NUP205: variants seen among roughly 807,000 people sequenced by gnomAD.
NUP205 encodes nuclear pore complex protein Nup205.
Under a neutral mutation model 253.8 loss-of-function variants are expected in NUP205, and 76 were observed. The observed-to-expected ratio is 0.30, with a 90% CI of 0.25 to 0.36. The LOEUF (loss-of-function observed/expected upper bound fraction) is 0.36. NUP205 is among the 10% of genes least tolerant of loss of function. NUP205 has a pLI of 1.00. For missense variants in NUP205, 2,162 were observed against 2,425.5 expected (o/e 0.89, Z 2.28); for synonymous variants, 832 against 850.1 (o/e 0.98, Z 0.37).
chr7:135,574,802 T>C (rs1806106551), intron 3 of NUP205, among the ~76,000 whole-genome samples: 1 of 152,236 alleles, frequency 6.6e-6, no homozygotes, highest in Non-Finnish European at 1.5e-5. Context: ...AAAATTTCTA[T>C]ACTATAAGCA....
Position 135,614,018 on chromosome 7 carries a change from G to A in NUP205, c.3196-141G>A, listed in dbSNP as rs1192264669. The A allele has an allele frequency of 1.1e-5, 6 of 526,348 alleles. No individual in the cohort carries two copies. In the East Asian group the frequency reaches 1.9e-4, roughly 17 times the overall value. 32.6% of individuals were successfully genotyped at this position (526,348 alleles called of 1,614,324 possible). A position where few individuals can be genotyped will look rare whatever the true frequency, so the allele number is the denominator to read the frequency against. ...GTTCATAACTCTGAGCTTATGTTTT[G>A]TGCATCTGTTTGTCCATTTTACTTG... On this transcript the variant is annotated intron_variant, in intron 22 of 42. Transcript: ENST00000285968.
chr7:135,632,046 A>C (rs1794726419), intron 35 of NUP205, among the ~76,000 whole-genome samples: 2 of 152,084 alleles, frequency 1.3e-5, no homozygotes, highest in Non-Finnish European at 2.9e-5. Flanking sequence ...CGCCCGGCCT[A>C]TCTCTTGGTA....
Position 135,571,256 on chromosome 7 carries a change from TTTTC to T in NUP205, c.171+13_171+16del. The T allele has an allele frequency of 7.2e-7, 1 of 1,394,174 alleles. No homozygotes were observed. Among genetic ancestry groups the T allele is most frequent in the Non-Finnish European group, 9.4e-7 (1 of 1,065,390 alleles). The allele number at this position is 1,394,174 out of a possible 1,614,324, so 86.4% of individuals were successfully genotyped here. On this transcript the variant is annotated intron_variant, in intron 2 of 42. Coordinates refer to ENST00000285968, the MANE Select transcript of NUP205 (RefSeq NM_015135.3). ...CATTGTTCAAAAATCCGGTAAGAAA[TTTTC>T]TTTTTCAGTTTTTTTGGGATTTTTT...
At position 135,614,771 on chromosome 7, in the gene NUP205, T is replaced by C. The variant is rs553506004; in HGVS notation, c.3310+498T>C. Among the ~76,000 whole-genome samples, 16 of 152,354 alleles carry C rather than the reference T, an allele frequency of 1.1e-4. No individual in the cohort carries two copies. The East Asian group carries it at 2.9e-3, about 27-fold the overall frequency. ...CAATTATTCCAGGCTAATGCAGTCTTATCGAGATTCTACTTTATTTTCTTT... is the reference window on the plus strand; with the variant it reads ...CAATTATTCCAGGCTAATGCAGTCTCATCGAGATTCTACTTTATTTTCTTT... On this transcript the variant is annotated intron_variant, in intron 23 of 42. Coordinates refer to ENST00000285968, the MANE Select transcript of NUP205 (RefSeq NM_015135.3).
chr7:135,570,655 A>G (rs1805933161), intron 1 of NUP205, among the ~76,000 whole-genome samples: 1 of 128,030 alleles, frequency 7.8e-6, no homozygotes, highest in African/African-American at 3.0e-5. Flanking sequence ...GCAATCATTT[A>G]TTATATTAAT....
At chr7:135,614,087 C>A in intron 22 of NUP205, 72 bp from the exon 23 acceptor site, 1 of 835,552 alleles carries the variant, frequency 1.2e-6, no homozygotes, top group South Asian at 1.6e-5. Context: ...GGTCTAAGTT[C>A]ATATTTTGTT....
chr7:135,594,571 T>G lies in NUP205; in HGVS notation c.1855T>G (p.Cys619Gly), dbSNP rs764675237. The G allele has an allele frequency of 8.1e-6, 13 of 1,607,230 alleles. No homozygotes were observed. Among genetic ancestry groups the G allele is most frequent in the African/African-American group, 1.3e-5 (1 of 74,610 alleles). ...GAGTGAAAATGCTCGCTTGGCACTCTGTGAACACCCTCAGTGGACCCCTGT... is the reference window on the plus strand; with the variant it reads ...GAGTGAAAATGCTCGCTTGGCACTCGGTGAACACCCTCAGTGGACCCCTGT... ...TWSENARLAL[C>G]EHPQWTPVVV... The change falls in exon 13 of 43, where the codon TGT becomes GGT. Residue 619 changes from cysteine to glycine, a missense_variant. Cys to Gly is a radical substitution (Grantham distance 159). Coordinates refer to ENST00000285968, the MANE Select transcript of NUP205 (RefSeq NM_015135.3).
intron 9 of NUP205, 52 bp downstream of exon 9, chr7:135,587,743 T>C: frequency 6.5e-7 from 1 of 1,526,920 alleles, no homozygotes. Flanking sequence ...TCATTATTTT[T>C]TCCCCTAACT....
intron 25 of NUP205, 136 bp from the exon 26 acceptor site, chr7:135,616,954 A>T: frequency 1.5e-6 from 1 of 678,754 alleles, no homozygotes; most frequent in East Asian, 2.8e-5. Flanking sequence ...TTTAGATTCC[A>T]ATACAGTTTT....
At chr7:135,577,705 A>G (rs1806188576) in intron 5 of NUP205, 91 bp from the exon 6 acceptor site, 2 of 918,322 alleles carry the variant, frequency 2.2e-6, no homozygotes, top group African/African-American at 1.7e-5. Flanking sequence ...AGGTTTTTTT[A>G]TTAGCCTTTG....
In NUP205 at chr7:135,601,356, T is replaced by G. The variant is rs761387724; in HGVS notation, c.2375-14T>G. 13 of 1,607,914 alleles carry G rather than the reference T, an allele frequency of 8.1e-6. No homozygotes were observed. Among genetic ancestry groups the G allele is most frequent in the African/African-American group, 1.3e-5 (1 of 74,858 alleles). ...TAACCCATCATCTCTTGGAATATGT[T>G]ATGTTCTATTTAGGAGAAGAAATCA... On this transcript the variant is annotated splice_polypyrimidine_tract_variant and intron_variant, in intron 16 of 42. Coordinates refer to ENST00000285968, the MANE Select transcript of NUP205 (RefSeq NM_015135.3).
In NUP205 at chr7:135,626,251, A is replaced by G. The variant is rs1294022828; in HGVS notation, c.4683A>G (p.Thr1561=). ...TTGTAACTCCTCAGGCATTTCTCAC[A>G]AGAGTGGCAAAGATACAGCAGGGTG... ...YTYESKMAFL[T]RVAKIQQGAL... Residue 1561 remains threonine (T), a synonymous_variant, in exon 33 of 43, where the codon ACA becomes ACG. Coordinates refer to ENST00000285968, the MANE Select transcript of NUP205 (RefSeq NM_015135.3). The G allele has an allele frequency of 6.2e-7, 1 of 1,614,134 alleles. No homozygotes were observed.
chr7:135,607,463 C>G, intron 22 of NUP205, 92 bp downstream of exon 22: 1 of 1,370,634 alleles, frequency 7.3e-7, no homozygotes, highest in South Asian at 1.5e-5. Flanking sequence ...AACAGCAGGA[C>G]TTAGTTGAAA....
intron 38 of NUP205, among the ~76,000 whole-genome samples, chr7:135,639,584 T>C (rs1238029741): frequency 6.6e-6 from 1 of 151,062 alleles, no homozygotes; most frequent in African/African-American, 2.4e-5. Context: ...CCAGGTACTC[T>C]GGAGGCTGAG....
At chr7:135,591,653 A>G in intron 11 of NUP205, 53 bp downstream of exon 11, 4 of 1,494,906 alleles carry the variant, frequency 2.7e-6, no homozygotes, top group Non-Finnish European at 3.7e-6. Flanking sequence ...TTTTAAGTTC[A>G]GTATCCCACT....
intron 42 of NUP205, among the ~76,000 whole-genome samples, chr7:135,647,997 C>A (rs1357492211): frequency 1.3e-5 from 2 of 152,110 alleles, no homozygotes; most frequent in East Asian, 3.9e-4. Flanking sequence ...GTAAAAGCTT[C>A]TTTCCCACCT....
chr7:135,633,487 G>A (rs1387082827), intron 35 of NUP205, among the ~76,000 whole-genome samples: 1 of 152,066 alleles, frequency 6.6e-6, no homozygotes, highest in Non-Finnish European at 1.5e-5. Context: ...AAACAGTGTG[G>A]CATTTAATAA....
At position 135,578,044 on chromosome 7, in the gene NUP205, T is replaced by C; in HGVS notation, c.877+20T>C. 6.5e-7 allele frequency: 1 copy of C among 1,536,110 alleles called. No homozygotes were observed. Among genetic ancestry groups the C allele is most frequent in the Non-Finnish European group, 9.0e-7 (1 of 1,112,112 alleles). ...GAGATGGTATTGAGTTTTATACATT[T>C]TCCTACATTAAAAAAATCAGATTTA... is the stretch of plus-strand genomic sequence containing the variant. On this transcript the variant is annotated intron_variant, in intron 6 of 42. Coordinates refer to ENST00000285968, the MANE Select transcript of NUP205 (RefSeq NM_015135.3).
At chr7:135,569,893 TGACAAGAAG>T (rs1805894444) in intron 1 of NUP205, among the ~76,000 whole-genome samples, 2 of 152,124 alleles carry the variant, frequency 1.3e-5, no homozygotes, top group Middle Eastern at 6.8e-3. Context: ...TTCATCTGGA[TGACAAGAAG>T]GAAAGGAAGG....
Sources: allele counts gnomAD v4.1 joint callset (sites outside exome capture counted in the v4.1 genomes callset), GRCh38; gene constraint gnomAD v4.1.1; transcripts MANE v1.5; gene names NCBI Gene and HGNC (gene_info 2026-07-23, HGNC 2026-07-21).